Variants in PI15 observed in about 807,000 individuals in gnomAD.
PI15 encodes the protein 25 kDa trypsin inhibitor.
A neutral mutation model predicts 31.0 loss-of-function variants in PI15; 18 were observed. The observed-to-expected ratio is 0.58, with a 90% CI of 0.40 to 0.86. PI15 has a LOEUF of 0.86. PI15 is among the 40% of genes least tolerant of loss of function. PI15 has a pLI of 0.00. For missense variants in PI15, 282 were observed against 328.1 expected (o/e 0.86, Z 1.09); for synonymous variants, 118 against 119.1 (o/e 0.99, Z 0.06).
At position 74,824,597 on chromosome 8, in the gene PI15, A is replaced by G. The variant is rs888511920; in HGVS notation, c.-119A>G. ...GTTTGTAAAAAGACACACTCCTCTT[A>G]CAAGAGTTCATGCTACCACATAGCA... On this transcript the variant is annotated 5_prime_UTR_variant, in exon 1 of 6. Coordinates refer to ENST00000260113, the MANE Select transcript of PI15 (RefSeq NM_015886.5). The G allele has an allele frequency of 1.3e-5, 2 of 152,352 alleles. No individual in the cohort carries two copies. The highest frequency in any genetic ancestry group is 4.8e-5 in the African/African-American group (2 of 41,454). 9.4% of individuals were successfully genotyped at this position (152,352 alleles called of 1,614,324 possible). A position where few individuals can be genotyped will look rare whatever the true frequency, so the allele number is the denominator to read the frequency against.
chr8:74,845,089 A>G (rs775070728), intron 3 of PI15, 39 bp from the exon 4 acceptor site: 6 of 1,572,000 alleles, frequency 3.8e-6, no homozygotes, highest in Middle Eastern at 3.3e-4. Context: ...ATATATTACC[A>G]CTGCTGCACT....
chr8:74,838,916 A>G (rs1810906469), intron 2 of PI15, among the ~76,000 whole-genome samples: 1 of 152,216 alleles, frequency 6.6e-6, no homozygotes, highest in Non-Finnish European at 1.5e-5. Flanking sequence ...GGCTGCCACT[A>G]TGTTGAGGAT....
In PI15 at chr8:74,851,039, A is replaced by T. The variant is rs1200876225; in HGVS notation, c.*1786A>T. On this transcript the variant is annotated 3_prime_UTR_variant, in exon 6 of 6. Coordinates refer to ENST00000260113, the MANE Select transcript of PI15 (RefSeq NM_015886.5). The stretch of plus-strand genomic sequence containing the variant: ...CCATTCAATGGTAAAGAAACTCACC[A>T]TCTGGAGATTGAGTCTACTTGTTAA... 6.6e-6 allele frequency: 1 copy of T among 152,614 alleles called. No homozygotes were observed. The highest frequency in any genetic ancestry group is 1.5e-5 in the Non-Finnish European group (1 of 68,008). The allele number at this position is 152,614 out of a possible 1,614,324, so 9.5% of individuals were successfully genotyped here. A position where few individuals can be genotyped will look rare whatever the true frequency, so the allele number is the denominator to read the frequency against.
At chr8:74,836,571 A>C (rs992055367) in intron 2 of PI15, among the ~76,000 whole-genome samples, 2 of 152,092 alleles carry the variant, frequency 1.3e-5, no homozygotes, top group East Asian at 3.9e-4. Context: ...AAAAAAGAGA[A>C]GGGACTTGGA....
rs1280310298 is a variant in PI15, at chr8:74,850,592, T to A, written c.*1339T>A. The A allele has an allele frequency of 6.6e-6, 1 of 152,200 alleles. No homozygotes were observed. Among genetic ancestry groups the A allele is most frequent in the Non-Finnish European group, 1.5e-5 (1 of 68,024 alleles). 9.4% of individuals were successfully genotyped at this position (152,200 alleles called of 1,614,324 possible). A position where few individuals can be genotyped will look rare whatever the true frequency, so the allele number is the denominator to read the frequency against. The stretch of plus-strand genomic sequence containing the variant: ...CCTTCGTGCACACCACACACAGTCA[T>A]GATTTTGTTAAAGTAGCCTTCTTCA... On this transcript the variant is annotated 3_prime_UTR_variant, in exon 6 of 6. Transcript: ENST00000260113.
At chr8:74,835,397 G>A (rs1810848006) in intron 2 of PI15, among the ~76,000 whole-genome samples, 1 of 152,110 alleles carries the variant, frequency 6.6e-6, no homozygotes, top group Non-Finnish European at 1.5e-5. Flanking sequence ...CTTCTCAAAA[G>A]TTCCCTGGGA....
At chr8:74,826,441 T>G in intron 2 of PI15, 2 of 187,508 alleles carry the variant, frequency 1.1e-5, no homozygotes, top group Non-Finnish European at 2.0e-5. Flanking sequence ...GATTCACTTG[T>G]TTTATGTAAA....
At position 74,845,487 on chromosome 8, in the gene PI15, T is replaced by C. The variant is rs745705656; in HGVS notation, c.631T>C (p.Tyr211His). The change falls in exon 5 of 6, where the codon TAT (tyrosine) becomes CAT (histidine). Residue 211 changes from tyrosine to histidine, a missense_variant. Transcript: ENST00000260113. ...WRRAVYLVCN[Y>H]APKGNWIGEA... ...ACGTGCAGTTTACTTGGTATGCAAC[T>C]ATGCCCCAAAGTAAGTACCAGGTTG... 1 of 1,603,388 alleles carries C rather than the reference T, an allele frequency of 6.2e-7. No individual in the cohort carries two copies. The highest frequency in any genetic ancestry group is 8.5e-7 in the Non-Finnish European group (1 of 1,170,236).
chr8:74,838,598 T>G lies in PI15; in HGVS notation c.274-5383T>G, dbSNP rs1050385643. On this transcript the variant is annotated intron_variant, in intron 2 of 5. Coordinates refer to ENST00000260113, the MANE Select transcript of PI15 (RefSeq NM_015886.5). The stretch of plus-strand genomic sequence containing the variant: ...CTCTCAAGTAGTCCCCAGTGTCTAT[T>G]TTTTACATCTTTGTGTCTGTGTGTA... Among the ~76,000 whole-genome samples the G allele has an allele frequency of 6.6e-5, 10 of 152,248 alleles. No individual in the cohort carries two copies. In the South Asian group the frequency reaches 1.9e-3, roughly 28 times the overall value.
intron 2 of PI15, among the ~76,000 whole-genome samples, chr8:74,831,238 G>T (rs1345343812): frequency 6.6e-6 from 1 of 152,200 alleles, no homozygotes; most frequent in African/African-American, 2.4e-5. Flanking sequence ...AGGCAGAAAA[G>T]CTGTGAATCA....
chr8:74,852,767 C>T lies in PI15; in HGVS notation c.*3514C>T, dbSNP rs1052933107. The T allele has an allele frequency of 1.3e-5, 2 of 152,050 alleles. No homozygotes were observed. Among genetic ancestry groups the T allele is most frequent in the Non-Finnish European group, 1.5e-5 (1 of 67,958 alleles). The allele number at this position is 152,050 out of a possible 1,614,324, so 9.4% of individuals were successfully genotyped here. A position where few individuals can be genotyped will look rare whatever the true frequency, so the allele number is the denominator to read the frequency against. On this transcript the variant is annotated 3_prime_UTR_variant, in exon 6 of 6. Transcript: ENST00000260113. ...TTAAGTGCTTTGTGTTGATGCCATG[C>T]TTATCAAATACATGCACAAGCTAAA...
Position 74,825,220 on chromosome 8 carries a change from T to G in PI15, c.-30T>G. Reference sequence around the variant, plus strand: ...CTTTCTGCTTTAAAGCAAAGTAAACTCGGTGGCCTCTTCTTCTCCACCCCT... The same window carrying G: ...CTTTCTGCTTTAAAGCAAAGTAAACGCGGTGGCCTCTTCTTCTCCACCCCT... On this transcript the variant is annotated 5_prime_UTR_variant, in exon 2 of 6. Coordinates refer to ENST00000260113, the MANE Select transcript of PI15 (RefSeq NM_015886.5). 6.2e-7 allele frequency: 1 copy of G among 1,606,816 alleles called. No homozygotes were observed. The highest frequency in any genetic ancestry group is 8.5e-7 in the Non-Finnish European group (1 of 1,174,714).
rs542174963 is a variant in PI15, at chr8:74,850,572, G to C, written c.*1319G>C. On this transcript the variant is annotated 3_prime_UTR_variant, in exon 6 of 6. Transcript: ENST00000260113. ...TTGAGTATTGTATGAAAGATCCTTC[G>C]TGCACACCACACACAGTCATGATTT... 1 of 152,082 alleles carries C rather than the reference G, an allele frequency of 6.6e-6. No homozygotes were observed. The highest frequency in any genetic ancestry group is 2.4e-5 in the African/African-American group (1 of 41,418). 9.4% of individuals were successfully genotyped at this position (152,082 alleles called of 1,614,324 possible). A position where few individuals can be genotyped will look rare whatever the true frequency, so the allele number is the denominator to read the frequency against.
At chr8:74,842,384 G>A (rs1177121644) in intron 2 of PI15, among the ~76,000 whole-genome samples, 4 of 151,978 alleles carry the variant, frequency 2.6e-5, no homozygotes, top group African/African-American at 7.2e-5. Flanking sequence ...CAATGTGAAC[G>A]CTATTTTTCC....
chr8:74,833,379 G>A (rs575590211), intron 2 of PI15, among the ~76,000 whole-genome samples: 1 of 151,846 alleles, frequency 6.6e-6, no homozygotes, highest in Non-Finnish European at 1.5e-5. Context: ...CTAATTTTCA[G>A]CTTCTTTTGC....
chr8:74,833,796 T>C (rs190094479), intron 2 of PI15, among the ~76,000 whole-genome samples: 56 of 152,286 alleles, frequency 3.7e-4, no homozygotes, highest in African/African-American at 1.3e-3. Flanking sequence ...TAAATAAAAA[T>C]GTTAAGAACA....
rs186492843 is a variant in PI15 at position 74,844,984 on chromosome 8, T to A, written c.393-144T>A. On this transcript the variant is annotated intron_variant, in intron 3 of 5. Transcript: ENST00000260113. Reference sequence around the variant, plus strand: ...TGGAGGAATAGAGGACCCGACTAGGTGGTGATGGTGATTGTGAGGGGTGGA... The same window carrying A: ...TGGAGGAATAGAGGACCCGACTAGGAGGTGATGGTGATTGTGAGGGGTGGA... 6.7e-5 allele frequency: 46 copies of A among 682,226 alleles called. 1 individual carries two copies. In the East Asian group the frequency reaches 8.9e-4, roughly 13 times the overall value. The allele number at this position is 682,226 out of a possible 1,614,324, so 42.3% of individuals were successfully genotyped here.
At position 74,835,693 on chromosome 8, in the gene PI15, T is replaced by A. The variant is rs141112964; in HGVS notation, c.274-8288T>A. On this transcript the variant is annotated intron_variant, in intron 2 of 5. Coordinates refer to ENST00000260113, the MANE Select transcript of PI15 (RefSeq NM_015886.5). The stretch of plus-strand genomic sequence containing the variant: ...CAGGGAATGAACCTTACTTGGGAAG[T>A]GCTTTATTGACTAAGAAAACTTCAA... 3.7e-3 allele frequency among the ~76,000 whole-genome samples: 567 copies of A among 152,296 alleles called. 8 individuals are homozygous for A. The highest frequency in any genetic ancestry group is 0.013 in the African/African-American group (533 of 41,584).
chr8:74,843,659 T>G (rs952409670), intron 2 of PI15, among the ~76,000 whole-genome samples: 1 of 151,886 alleles, frequency 6.6e-6, no homozygotes, highest in South Asian at 2.1e-4. Flanking sequence ...AGGCTCGGAG[T>G]TCGTGACCGG....
Sources: allele counts gnomAD v4.1 joint callset (sites outside exome capture counted in the v4.1 genomes callset), GRCh38; gene constraint gnomAD v4.1.1; transcripts MANE v1.5; gene names NCBI Gene and HGNC (gene_info 2026-07-23, HGNC 2026-07-21).